The following CAMKMT variants were observed in gnomAD, a reference collection of about 807,000 sequenced individuals.
CAMKMT encodes the protein CaM KMT.
In CAMKMT, 53 loss-of-function variants were observed where a neutral mutation model predicts 48.0. That is an observed-to-expected ratio of 1.10 (90% CI 0.89 to 1.39). The LOEUF (loss-of-function observed/expected upper bound fraction) is 1.39. CAMKMT is among the 40% of genes most tolerant of loss of function. The probability of loss-of-function intolerance (pLI) is 0.00; values close to 1 mark genes in which losing one functional copy is unlikely to be tolerated. For missense variants in CAMKMT, 428 were observed against 402.7 expected (o/e 1.06, Z -0.54); for synonymous variants, 165 against 152.3 (o/e 1.08, Z -0.61).
intron 4 of CAMKMT, 66 bp downstream of exon 4, chr2:44,704,409 GC>G (rs1413654498): frequency 9.5e-7 from 1 of 1,058,098 alleles, no homozygotes; most frequent in South Asian, 1.8e-5. Context: ...ATTAAAAATT[GC>G]CATGATTATA....
At chr2:44,501,905 T>C (rs1670025903) in intron 3 of CAMKMT, among the ~76,000 whole-genome samples, 1 of 151,952 alleles carries the variant, frequency 6.6e-6, no homozygotes, top group East Asian at 1.9e-4. Context: ...AAGAATAAAA[T>C]GATACAACAA....
At chr2:44,692,686 T>C (rs987888838) in intron 3 of CAMKMT, among the ~76,000 whole-genome samples, 1 of 145,030 alleles carries the variant, frequency 6.9e-6, no homozygotes, top group Non-Finnish European at 1.5e-5. Flanking sequence ...GTATTCAAGC[T>C]GCACTGTAAC....
intron 3 of CAMKMT, among the ~76,000 whole-genome samples, chr2:44,588,235 C>T (rs1279771186): frequency 5.9e-5 from 3 of 50,892 alleles, no homozygotes; most frequent in Non-Finnish European, 9.4e-5. Flanking sequence ...GGAGCCCCTC[C>T]GTCCGGCAGC....
At chr2:44,467,100 C>T (rs1668156651) in intron 3 of CAMKMT, among the ~76,000 whole-genome samples, 1 of 151,536 alleles carries the variant, frequency 6.6e-6, no homozygotes, top group Non-Finnish European at 1.5e-5. Flanking sequence ...AAAATAAAAG[C>T]AAAATTAGCC....
intron 3 of CAMKMT, among the ~76,000 whole-genome samples, chr2:44,620,701 A>T (rs894644283): frequency 6.6e-6 from 1 of 152,130 alleles, no homozygotes; most frequent in Non-Finnish European, 1.5e-5. Flanking sequence ...CTTCTTCCTT[A>T]CTCTATATTT....
At chr2:44,706,185 C>G in intron 4 of CAMKMT, 102 bp from the exon 5 acceptor site, 2 of 1,129,554 alleles carry the variant, frequency 1.8e-6, no homozygotes, top group Non-Finnish European at 2.7e-6. Flanking sequence ...CTGGTAGCGC[C>G]GTTCTTACTG....
chr2:44,659,559 A>T (rs1674567468), intron 3 of CAMKMT, among the ~76,000 whole-genome samples: 1 of 130,958 alleles, frequency 7.6e-6, no homozygotes. Flanking sequence ...GGGAAACCCC[A>T]TCTCTACAAA....
chr2:44,447,404 G>A (rs997771889), intron 3 of CAMKMT, among the ~76,000 whole-genome samples: 2 of 152,100 alleles, frequency 1.3e-5, no homozygotes, highest in African/African-American at 2.4e-5. Flanking sequence ...AGTGCCTACC[G>A]TAGTTTTGGA....
At chr2:44,721,561 A>G (rs941602184) in intron 7 of CAMKMT, among the ~76,000 whole-genome samples, 3 of 152,336 alleles carry the variant, frequency 2.0e-5, no homozygotes, top group Middle Eastern at 3.4e-3. Context: ...GATATAATTT[A>G]CTTACTATAC....
chr2:44,761,411 G>A (rs1371305488), intron 9 of CAMKMT, among the ~76,000 whole-genome samples: 1 of 152,228 alleles, frequency 6.6e-6, no homozygotes. Context: ...GGCTTTGCCT[G>A]CCATACCAAG....
chr2:44,727,687 G>C (rs1678863806), intron 7 of CAMKMT, among the ~76,000 whole-genome samples: 1 of 152,162 alleles, frequency 6.6e-6, no homozygotes. Context: ...TCTTGTTCCA[G>C]TTCTCAAGGG....
At chr2:44,621,122 G>T (rs1672162132) in intron 3 of CAMKMT, among the ~76,000 whole-genome samples, 1 of 152,012 alleles carries the variant, frequency 6.6e-6, no homozygotes, top group African/African-American at 2.4e-5. Flanking sequence ...CAAAAAATTA[G>T]CTGGGCGTGG....
intron 3 of CAMKMT, among the ~76,000 whole-genome samples, chr2:44,417,287 C>T (rs1048150009): frequency 3.9e-5 from 6 of 151,960 alleles, no homozygotes; most frequent in Admixed American, 2.0e-4. Context: ...CCCAGCTACT[C>T]AGGAGGCTGA....
chr2:44,589,946 T>C (rs983254733), intron 3 of CAMKMT, among the ~76,000 whole-genome samples: 39 of 145,388 alleles, frequency 2.7e-4, no homozygotes, highest in African/African-American at 9.7e-4. Flanking sequence ...CAATAGTTTG[T>C]TGCTGGTATA....
Position 44,631,569 on chromosome 2 carries a change from G to A in CAMKMT, c.377-72714G>A, listed in dbSNP as rs940926472. The A allele has an allele frequency of 1.1e-5, 6 of 566,140 alleles. No individual in the cohort carries two copies. The Admixed American group carries it at 1.9e-4, about 18-fold the overall frequency. The allele number at this position is 566,140 out of a possible 1,614,324, so 35.1% of individuals were successfully genotyped here. ...TCCTTCTGCCTCAGCCTCCCAAAGT[G>A]TGATTAGTAGCATGAGCCACTGCTC... On this transcript the variant is annotated intron_variant, in intron 3 of 10. Coordinates refer to ENST00000378494, the MANE Select transcript of CAMKMT (RefSeq NM_024766.5).
chr2:44,510,309 A>C (rs1019383871), intron 3 of CAMKMT, among the ~76,000 whole-genome samples: 1 of 152,196 alleles, frequency 6.6e-6, no homozygotes, highest in African/African-American at 2.4e-5. Flanking sequence ...ATTATTTTGT[A>C]GAATGTCTGT....
At chr2:44,704,989 A>AG (rs1677473581) in intron 4 of CAMKMT, among the ~76,000 whole-genome samples, 1 of 152,136 alleles carries the variant, frequency 6.6e-6, no homozygotes, top group South Asian at 2.1e-4. Flanking sequence ...TGGTAGACCC[A>AG]GAAAATATAG....
intron 3 of CAMKMT, among the ~76,000 whole-genome samples, chr2:44,414,473 T>C (rs1683414871): frequency 6.6e-6 from 1 of 152,174 alleles, no homozygotes; most frequent in Admixed American, 6.5e-5. Context: ...AACTGTTGAT[T>C]AGATGCTTCA....
At chr2:44,529,548 A>G (rs1329673592) in intron 3 of CAMKMT, among the ~76,000 whole-genome samples, 3 of 152,174 alleles carry the variant, frequency 2.0e-5, no homozygotes, top group Non-Finnish European at 4.4e-5. Context: ...CCTTTATACA[A>G]GAAATCTGGA....
Sources: gnomAD v4.1 joint callset for allele counts (sites outside exome capture counted in the v4.1 genomes callset) on GRCh38, gnomAD v4.1.1 for gene constraint, MANE v1.5 for transcripts, NCBI Gene and HGNC (gene_info 2026-07-23, HGNC 2026-07-21) for gene names.